The following NCOR2 variants were observed in gnomAD, a reference collection of about 807,000 sequenced individuals.
NCOR2 encodes CTG repeat protein 26.
Under a neutral mutation model 262.9 loss-of-function variants are expected in NCOR2, and 81 were observed. That is an observed-to-expected ratio of 0.31 (90% confidence interval 0.26 to 0.37). The LOEUF (loss-of-function observed/expected upper bound fraction) is 0.37. NCOR2 is among the 10% of genes least tolerant of loss of function. The pLI is 1.00. For missense variants in NCOR2, 3,385 were observed against 3,621.4 expected, an observed-to-expected ratio of 0.93 and a Z score of 1.68; for synonymous variants, 1,659 against 1,559.3, an observed-to-expected ratio of 1.06 and a Z score of -1.51.
rs201432444 is a variant in NCOR2 at position 124,509,237 on chromosome 12, G to GGGA, written c.-117-13870_-117-13869insTCC. ...AGCCAAAGTGGCACTGGCTTTGGTG[G>GGGA]GGGGGGGGGGGGCTTAACTCTGAAC... On this transcript the variant is annotated intron_variant, in intron 1 of 46. Coordinates refer to the NCOR2 transcript ENST00000404621. 1.9e-3 allele frequency among the ~76,000 whole-genome samples: 189 copies of GGGA among 100,384 alleles called. 5 individuals carry two copies. In the East Asian group the frequency reaches 0.07, roughly 37 times the overall value. 65.9% of individuals were successfully genotyped at this position (100,384 alleles called of 152,430 possible).
intron 1 of NCOR2, among the ~76,000 whole-genome samples, chr12:124,507,826 C>T (rs186198260): frequency 6.6e-6 from 1 of 152,346 alleles, no homozygotes; most frequent in African/African-American, 2.4e-5. Flanking sequence ...AGTGTGAAGG[C>T]GGCCTCCGCA....
Position 124,504,040 on chromosome 12 carries a change from C to T in NCOR2, c.-117-8672G>A, listed in dbSNP as rs2048919000. 6.6e-6 allele frequency among the ~76,000 whole-genome samples: 1 copy of T among 152,184 alleles called. No homozygotes were observed. Among genetic ancestry groups the T allele is most frequent in the Admixed American group, 6.5e-5 (1 of 15,288 alleles). Reference sequence around the variant, plus strand: ...GAAGGACCCTAGGGAAAACTGCCTCCAGTCCCAAACCCAGACTCAGCGTGG... The same window carrying T: ...GAAGGACCCTAGGGAAAACTGCCTCTAGTCCCAAACCCAGACTCAGCGTGG... On this transcript the variant is annotated intron_variant, in intron 1 of 46. Transcript: ENST00000404621. This position sits in a 1 kb window ranked among gnomAD's most constrained non-coding sequence, Gnocchi z 4.5.
chr12:124,441,044 C>G (rs1003143336), intron 7 of NCOR2, among the ~76,000 whole-genome samples: 2 of 152,070 alleles, frequency 1.3e-5, no homozygotes, highest in African/African-American at 2.4e-5. Context: ...CTGTGAGTTT[C>G]GACATGGCAA....
Position 124,380,794 on chromosome 12 carries a change from T to C in NCOR2, c.2020-2410A>G, listed in dbSNP as rs188861486. The stretch of plus-strand genomic sequence containing the variant: ...CAAGGTGTCTCTGCGGGGGGCGGCG[T>C]GGGGTCTCTGAGGCAGTGGACGGGG... On this transcript the variant is annotated intron_variant, in intron 17 of 46. Coordinates refer to ENST00000405201, the Ensembl canonical transcript of NCOR2. Among the ~76,000 whole-genome samples, 19 of 151,386 alleles carry C rather than the reference T, an allele frequency of 1.3e-4. No homozygotes were observed. In the East Asian group the frequency reaches 3.7e-3, roughly 29 times the overall value.
Position 124,452,057 on chromosome 12 carries a change from G to C in NCOR2, c.763-2190C>G, listed in dbSNP as rs12580372. Among the ~76,000 whole-genome samples, 5 of 152,320 alleles carry C rather than the reference G, an allele frequency of 3.3e-5. No homozygotes were observed. In the East Asian group the frequency reaches 9.6e-4, roughly 29 times the overall value. On this transcript the variant is annotated intron_variant, in intron 6 of 46. Transcript: ENST00000405201. ...GCCATGGGCCATTTCTCCCCGTGCC[G>C]GGTCAGGCTCCCCTCCCAAGGTTCT...
intron 28 of NCOR2, among the ~76,000 whole-genome samples, chr12:124,349,161 C>T (rs2037208236): frequency 2.0e-5 from 3 of 152,188 alleles, no homozygotes; most frequent in Admixed American, 1.3e-4. Context: ...CCAAAGGAGC[C>T]TACATGGGCC....
At position 124,564,402 on chromosome 12, in the gene NCOR2, G is replaced by A. The variant is rs182248834; in HGVS notation, c.-165+2906C>T. Among the ~76,000 whole-genome samples, 586 of 152,254 alleles carry A rather than the reference G, an allele frequency of 3.8e-3. 4 individuals carry two copies. Among genetic ancestry groups the A allele is most frequent in the African/African-American group, 0.014 (565 of 41,536 alleles). ...AGGCAGGAGTTACCAGCTCCCACCG[G>A]CAGTTCCCCAGTCTCAAAAGTGTCA... On this transcript the variant is annotated intron_variant, in intron 1 of 32. Transcript: ENST00000458234.
chr12:124,539,961 A>C (rs2051238362), upstream of NCOR2, among the ~76,000 whole-genome samples: 1 of 152,118 alleles, frequency 6.6e-6, no homozygotes, highest in Admixed American at 6.5e-5. This position sits in a 1 kb window ranked among gnomAD's most constrained non-coding sequence, Gnocchi z 5.1. Context: ...CCGACATTCA[A>C]ACCCAGAGGC....
At chr12:124,473,234 G>A (rs1475023558) in intron 3 of NCOR2, 103 bp from the exon 6 acceptor site, 1 of 1,340,340 alleles carries the variant, frequency 7.5e-7, no homozygotes, top group African/African-American at 1.4e-5. Context: ...GATTGAAGGA[G>A]GCAAAGTATT....
intron 5 of NCOR2, among the ~76,000 whole-genome samples, chr12:124,462,097 G>A (rs1312083001): frequency 6.6e-6 from 1 of 152,142 alleles, no homozygotes; most frequent in African/African-American, 2.4e-5. Context: ...ATACAAGTAT[G>A]CACAGCCATC....
At chr12:124,345,754 G>A (rs940757034) in intron 31 of NCOR2, among the ~76,000 whole-genome samples, 1 of 152,156 alleles carries the variant, frequency 6.6e-6, no homozygotes. Context: ...GGATCTTACT[G>A]CTTCTGCCTT....
intron 30 of NCOR2, 162 bp downstream of exon 32, chr12:124,347,662 CT>C: frequency 3.0e-6 from 2 of 672,252 alleles, no homozygotes; most frequent in Non-Finnish European, 5.1e-6. Flanking sequence ...AAGAGACACC[CT>C]TGCTCCGTAG....
rs772378649 is a variant in NCOR2 at position 124,457,588 on chromosome 12, A to AAGG, written c.706-429_706-427dup. Among the ~76,000 whole-genome samples the AAGG allele has an allele frequency of 2.6e-4, 40 of 151,836 alleles. No homozygotes were observed. The highest frequency in any genetic ancestry group is 5.8e-4 in the East Asian group (3 of 5,162). ...TCAGAGCTAGTGCAGCCAGCGAGGGAAGGAGGAGGAGGAGGAGGAGGGAGG... is the reference window on the plus strand; with the variant it reads ...TCAGAGCTAGTGCAGCCAGCGAGGGAAGGAGGAGGAGGAGGAGGAGGAGGGAGG... On this transcript the variant is annotated intron_variant, in intron 5 of 46. Coordinates refer to ENST00000405201, the Ensembl canonical transcript of NCOR2. This position sits in a 1 kb window ranked among gnomAD's most constrained non-coding sequence, Gnocchi z 4.0.
Position 124,333,775 on chromosome 12 carries a change from GGTGGGA to G in NCOR2, c.6606-502_6606-497del, listed in dbSNP as rs1194655324. ...TCACCAGGGTGGGGGTGGGGGCGGGGGTGGGAGTGGGAGTGTGCGTGAGCATGTGCA... is the reference window on the plus strand; with the variant it reads ...TCACCAGGGTGGGGGTGGGGGCGGGGGTGGGAGTGTGCGTGAGCATGTGCA... On this transcript the variant is annotated intron_variant, in intron 41 of 46. Transcript: ENST00000405201. Among the ~76,000 whole-genome samples the G allele has an allele frequency of 4.1e-4, 62 of 152,170 alleles. 1 individual carries two copies. The highest frequency in any genetic ancestry group is 4.4e-4 in the Non-Finnish European group (30 of 68,014).
intron 4 of NCOR2, among the ~76,000 whole-genome samples, chr12:124,470,453 C>G (rs2046775606): frequency 6.6e-6 from 1 of 152,134 alleles, no homozygotes; most frequent in African/African-American, 2.4e-5. Flanking sequence ...CAAATGGCCA[C>G]AGATGATGAA....
intron 6 of NCOR2, among the ~76,000 whole-genome samples, chr12:124,452,919 A>G (rs1243884): frequency 0.96 from 146,308 of 152,222 alleles, 70,447 homozygotes; most frequent in East Asian, 1. Context: ...CTAAACAGGA[A>G]CTGCCCCCCT....
chr12:124,482,908 C>A lies in NCOR2; in HGVS notation c.411+688G>T, dbSNP rs2047572810. ...AGCCAGACTGGGCAGTAGAAGGCGG[C>A]TTTGTCATTCTAGGGGTCCAGGCCA... On this transcript the variant is annotated intron_variant, in intron 3 of 46. Transcript: ENST00000405201. The surrounding 1 kb of genome is among the most constrained non-coding windows in gnomAD (Gnocchi z 6.3). Among the ~76,000 whole-genome samples, 1 of 152,204 alleles carries A rather than the reference C, an allele frequency of 6.6e-6. No homozygotes were observed. Among genetic ancestry groups the A allele is most frequent in the Admixed American group, 6.5e-5 (1 of 15,288 alleles).
chr12:124,344,906 T>C (rs1335010303), exon 32 of NCOR2: 2 of 1,576,288 alleles, frequency 1.3e-6, no homozygotes, highest in Admixed American at 1.8e-5. Flanking sequence ...TCGTGCTTTT[T>C]GGAGCCAGTG....
chr12:124,434,707 C>T (rs2044230391), intron 8 of NCOR2, among the ~76,000 whole-genome samples: 1 of 152,148 alleles, frequency 6.6e-6, no homozygotes, highest in Non-Finnish European at 1.5e-5. Flanking sequence ...GCTGAATTGG[C>T]AGTCATTTTA....
Sources: allele counts gnomAD v4.1 joint callset (sites outside exome capture counted in the v4.1 genomes callset), GRCh38; gene constraint gnomAD v4.1.1; non-coding constraint Gnocchi (gnomAD v3.1); transcripts MANE v1.5; gene names NCBI Gene and HGNC (gene_info 2026-07-23, HGNC 2026-07-21).